ZNF438: variants seen among roughly 807,000 people sequenced by gnomAD.
The protein encoded by ZNF438 is zinc finger protein 438.
Under a neutral mutation model 38.0 loss-of-function variants are expected in ZNF438, and 25 were observed. That is an observed-to-expected ratio of 0.66 (90% CI 0.48 to 0.92). The LOEUF (loss-of-function observed/expected upper bound fraction) is 0.92, where lower values mean the gene tolerates loss of function less well. Among genes scored for constraint, ZNF438 ranks in the 40% least tolerant of loss-of-function variants. ZNF438 has a pLI of 0.00. For synonymous variants in ZNF438, 372 were observed against 364.1 expected, an observed-to-expected ratio of 1.02 and a Z score of -0.25; for missense variants, 1,007 against 999.6, an observed-to-expected ratio of 1.01 and a Z score of -0.10.
Position 30,982,037 on chromosome 10 carries a change from T to C in ZNF438, c.-191-40386A>G, listed in dbSNP as rs114815363. Among the ~76,000 whole-genome samples the C allele has an allele frequency of 4.6e-4, 70 of 152,120 alleles. 1 individual carries two copies. The highest frequency in any genetic ancestry group is 1.7e-3 in the African/African-American group (69 of 41,510). ...GTTTTTCTTGTTTGCTTGTTTTGTG[T>C]GAACTATTACATGATCAATGTAATT... On this transcript the variant is annotated intron_variant, in intron 1 of 5. Coordinates refer to ENST00000413025, the Ensembl canonical transcript of ZNF438.
At chr10:30,878,291 G>C (rs1013476882) in intron 3 of ZNF438, among the ~76,000 whole-genome samples, 3 of 152,086 alleles carry the variant, frequency 2.0e-5, no homozygotes, top group African/African-American at 7.2e-5. Context: ...AAAGACCCTG[G>C]ACTCAGTCAG....
At chr10:30,974,330 G>T (rs551890705) in intron 1 of ZNF438, among the ~76,000 whole-genome samples, 1 of 152,182 alleles carries the variant, frequency 6.6e-6, no homozygotes, top group African/African-American at 2.4e-5. Flanking sequence ...AAAATTAGCC[G>T]AGGCTGGTGA....
intron 2 of ZNF438, among the ~76,000 whole-genome samples, chr10:30,924,359 G>A (rs574147474): frequency 6.6e-6 from 1 of 152,338 alleles, no homozygotes; most frequent in South Asian, 2.1e-4. Flanking sequence ...TACCAGGGAA[G>A]AAATGTAACG....
At chr10:30,860,838 G>A (rs1305308536) in intron 4 of ZNF438, among the ~76,000 whole-genome samples, 1 of 152,144 alleles carries the variant, frequency 6.6e-6, no homozygotes, top group East Asian at 1.9e-4. Context: ...AACCTAGCAG[G>A]GAAGAAAGCA....
At chr10:30,866,651 G>A (rs574640268) in intron 4 of ZNF438, among the ~76,000 whole-genome samples, 12 of 152,114 alleles carry the variant, frequency 7.9e-5, no homozygotes, top group African/African-American at 2.7e-4. Context: ...TGGCTAACAC[G>A]GTGAAACCCC....
chr10:30,850,239 G>C (rs375964154), exon 5 of ZNF438: 3 of 1,614,070 alleles, frequency 1.9e-6, no homozygotes, highest in African/African-American at 2.7e-5. Context: ...GAGCGTGATG[G>C]TGAATGACAT....
intron 1 of ZNF438, among the ~76,000 whole-genome samples, chr10:31,025,615 A>G (rs1245796743): frequency 6.6e-6 from 1 of 152,196 alleles, no homozygotes; most frequent in Non-Finnish European, 1.5e-5. Context: ...TTATGGTTAA[A>G]TTATTCCTTT....
At chr10:30,991,970 T>A (rs1230663153) in intron 1 of ZNF438, among the ~76,000 whole-genome samples, 2 of 152,288 alleles carry the variant, frequency 1.3e-5, no homozygotes, top group Non-Finnish European at 2.9e-5. Flanking sequence ...AGCCAGGCTT[T>A]AATATGAAAG....
chr10:31,028,882 G>A (rs1479351094), intron 1 of ZNF438, among the ~76,000 whole-genome samples: 1 of 152,180 alleles, frequency 6.6e-6, no homozygotes, highest in African/African-American at 2.4e-5. Flanking sequence ...CTGGCTGCAT[G>A]AACCCAGTCA....
At chr10:30,930,040 G>A (rs2045453497) in intron 2 of ZNF438, among the ~76,000 whole-genome samples, 1 of 152,136 alleles carries the variant, frequency 6.6e-6, no homozygotes, top group South Asian at 2.1e-4. Context: ...TGGAGCTGCA[G>A]CCAGTCCCGC....
intron 2 of ZNF438, among the ~76,000 whole-genome samples, chr10:30,910,767 A>T (rs2043001816): frequency 6.7e-6 from 1 of 150,232 alleles, no homozygotes. Flanking sequence ...ATTTCTTAGT[A>T]TGTTCTTTAG....
At chr10:30,949,791 A>G (rs1249756404) in intron 1 of ZNF438, among the ~76,000 whole-genome samples, 1 of 151,632 alleles carries the variant, frequency 6.6e-6, no homozygotes, top group Admixed American at 6.6e-5. Flanking sequence ...CCCACACATT[A>G]ATAATGGGAG....
At chr10:31,002,756 C>A (rs984251443) in intron 1 of ZNF438, among the ~76,000 whole-genome samples, 3 of 152,166 alleles carry the variant, frequency 2.0e-5, no homozygotes, top group Admixed American at 2.0e-4. Flanking sequence ...GAGAAGAGAG[C>A]AGCTAGAGCA....
At chr10:30,970,796 G>A (rs1403374176) in intron 1 of ZNF438, among the ~76,000 whole-genome samples, 1 of 152,126 alleles carries the variant, frequency 6.6e-6, no homozygotes, top group Non-Finnish European at 1.5e-5. Context: ...TCCTATAACT[G>A]TCCCCAAAAT....
intron 1 of ZNF438, among the ~76,000 whole-genome samples, chr10:30,978,614 A>C (rs1444853614): frequency 6.6e-6 from 1 of 152,202 alleles, no homozygotes; most frequent in Non-Finnish European, 1.5e-5. Context: ...CCTCCAGATC[A>C]GTCACAACCC....
chr10:31,029,149 C>T (rs1470836283), intron 1 of ZNF438, among the ~76,000 whole-genome samples: 1 of 152,194 alleles, frequency 6.6e-6, no homozygotes, highest in Non-Finnish European at 1.5e-5. Context: ...CTACATCACT[C>T]ACCAGCTGGG....
intron 3 of ZNF438, among the ~76,000 whole-genome samples, chr10:30,887,679 C>T (rs752409509): frequency 2.6e-5 from 4 of 152,196 alleles, no homozygotes; most frequent in Non-Finnish European, 2.9e-5. Flanking sequence ...TGAGCCACCG[C>T]GCCCGGCCTA....
intron 3 of ZNF438, among the ~76,000 whole-genome samples, chr10:30,908,012 A>C (rs2042745455): frequency 6.6e-6 from 1 of 152,010 alleles, no homozygotes; most frequent in Non-Finnish European, 1.5e-5. Context: ...CAGCCCATAA[A>C]TTTTGGTATG....
intron 1 of ZNF438, among the ~76,000 whole-genome samples, chr10:31,026,475 C>A (rs2056950622): frequency 6.6e-6 from 1 of 152,124 alleles, no homozygotes; most frequent in African/African-American, 2.4e-5. Flanking sequence ...ATGCAGCCAA[C>A]AGACACATGA....
Sources: allele counts gnomAD v4.1 joint callset (sites outside exome capture counted in the v4.1 genomes callset), GRCh38; gene constraint gnomAD v4.1.1; transcripts MANE v1.5; gene names NCBI Gene and HGNC (gene_info 2026-07-23, HGNC 2026-07-21).